Variants in MAP2 observed in about 807,000 individuals in gnomAD.
MAP2 encodes microtubule-associated protein 2.
A neutral mutation model predicts 137.6 loss-of-function variants in MAP2; 14 were observed. The ratio of observed to expected loss-of-function variants is 0.10; its 90% CI spans 0.07 to 0.16. MAP2 has a LOEUF of 0.16. MAP2 is among the 10% of genes least tolerant of loss of function. The pLI is 1.00. For missense variants in MAP2, 2,088 were observed against 2,191.5 expected, an observed-to-expected ratio of 0.95 and a Z score of 0.94; for synonymous variants, 786 against 782.3, an observed-to-expected ratio of 1.00 and a Z score of -0.08.
chr2:209,702,109 G>A (rs1028735499), intron 11 of MAP2, among the ~76,000 whole-genome samples: 6 of 151,992 alleles, frequency 3.9e-5, no homozygotes, highest in African/African-American at 1.4e-4. Context: ...AAGTTTTCAG[G>A]AGCAGATATA....
chr2:209,723,781 A>G (rs1231510247), intron 13 of MAP2: 5 of 802,982 alleles, frequency 6.2e-6, no homozygotes, highest in Non-Finnish European at 1.1e-5. Context: ...TTTCCAACAC[A>G]CTGCTCCTTT....
At chr2:209,472,060 A>G (rs1705876521) in intron 1 of MAP2, among the ~76,000 whole-genome samples, 1 of 152,234 alleles carries the variant, frequency 6.6e-6, no homozygotes, top group Non-Finnish European at 1.5e-5. Context: ...TGACAATTAC[A>G]TATCATGTAA....
chr2:209,515,051 TAACA>T (rs1487605229), intron 2 of MAP2, among the ~76,000 whole-genome samples: 4 of 152,262 alleles, frequency 2.6e-5, no homozygotes, highest in African/African-American at 9.6e-5. Flanking sequence ...TCATTTGCCA[TAACA>T]AACCGACATG....
intron 1 of MAP2, among the ~76,000 whole-genome samples, chr2:209,471,620 T>TAAA (rs1196645772): frequency 6.6e-6 from 1 of 152,028 alleles, no homozygotes; most frequent in Non-Finnish European, 1.5e-5. Context: ...ACTTAAATGA[T>TAAA]TTTTCTCATG....
At chr2:209,504,396 A>C (rs1182709853) in intron 1 of MAP2, among the ~76,000 whole-genome samples, 1 of 152,248 alleles carries the variant, frequency 6.6e-6, no homozygotes, top group African/African-American at 2.4e-5. Context: ...ATTTGTGTTA[A>C]AGAGCAATTA....
intron 1 of MAP2, among the ~76,000 whole-genome samples, chr2:209,459,353 T>C (rs1197689085): frequency 6.6e-6 from 1 of 152,216 alleles, no homozygotes; most frequent in Non-Finnish European, 1.5e-5. Context: ...TAAGTGCTTG[T>C]CCAATGCTAG....
intron 3 of MAP2, among the ~76,000 whole-genome samples, chr2:209,610,648 A>G (rs1451938894): frequency 6.6e-6 from 1 of 152,136 alleles, no homozygotes; most frequent in Non-Finnish European, 1.5e-5. Context: ...GAATTCTCCA[A>G]TTCAATTTTG....
intron 3 of MAP2, among the ~76,000 whole-genome samples, chr2:209,599,831 T>C (rs2082451182): frequency 6.6e-6 from 1 of 152,098 alleles, no homozygotes; most frequent in African/African-American, 2.4e-5. Context: ...CTGTGAAATA[T>C]TGGAAATTTA....
At chr2:209,593,840 TA>T (rs1215222425) in intron 3 of MAP2, among the ~76,000 whole-genome samples, 28 of 91,576 alleles carry the variant, frequency 3.1e-4, no homozygotes, top group African/African-American at 1.1e-3. Context: ...TATATTATAT[TA>T]TAATATATAT....
intron 5 of MAP2, among the ~76,000 whole-genome samples, chr2:209,656,805 A>G (rs1007773121): frequency 6.6e-6 from 1 of 152,168 alleles, no homozygotes; most frequent in Non-Finnish European, 1.5e-5. Context: ...TTCAGGGGAT[A>G]CAAGTGCAGT....
intron 3 of MAP2, among the ~76,000 whole-genome samples, chr2:209,617,106 A>G (rs890656081): frequency 6.6e-6 from 1 of 152,024 alleles, no homozygotes; most frequent in Admixed American, 6.6e-5. Flanking sequence ...TTTAGGTTTT[A>G]TGGCTGACTT....
chr2:209,550,353 G>C (rs1287789964), intron 2 of MAP2, among the ~76,000 whole-genome samples: 2 of 152,046 alleles, frequency 1.3e-5, no homozygotes, highest in Admixed American at 6.5e-5. Flanking sequence ...GCTTTATAAA[G>C]TAGTATAATG....
chr2:209,501,267 T>C (rs960540668), intron 1 of MAP2, among the ~76,000 whole-genome samples: 1 of 152,158 alleles, frequency 6.6e-6, no homozygotes, highest in African/African-American at 2.4e-5. Context: ...ATATAAAAAT[T>C]GTGAATTTTC....
chr2:209,440,629 G>C (rs1697528440), intron 1 of MAP2, among the ~76,000 whole-genome samples: 2 of 151,500 alleles, frequency 1.3e-5, no homozygotes, highest in East Asian at 3.9e-4. Context: ...AAAAAAGACT[G>C]CAATAGTTGG....
intron 1 of MAP2, among the ~76,000 whole-genome samples, chr2:209,441,755 C>G (rs1697835778): frequency 6.6e-6 from 1 of 151,546 alleles, no homozygotes; most frequent in Non-Finnish European, 1.5e-5. Flanking sequence ...GTCTAGGACA[C>G]TTAGAAGTTG....
chr2:209,536,330 T>A (rs2065938889), intron 2 of MAP2, among the ~76,000 whole-genome samples: 1 of 152,330 alleles, frequency 6.6e-6, no homozygotes, highest in Admixed American at 6.5e-5. Flanking sequence ...ACTGTACAGA[T>A]TTATCTCTAT....
chr2:209,694,155 T>C lies in MAP2; in HGVS notation c.1985T>C (p.Ile662Thr). The stretch of plus-strand genomic sequence containing the variant: ...TCTCCTCAAGAAAGAATGTTCACTA[T>C]TGATCCAAAAGTGTATGGAGAGAAA... The part of the protein sequence containing the change: ...PSSPQERMFT[I>T]DPKVYGEKRD... The change falls in exon 8 of 16, where the codon ATT becomes ACT. Residue 662 changes from isoleucine to threonine, a missense_variant. Coordinates refer to ENST00000682079, the MANE Select transcript of MAP2 (RefSeq NM_001375505.1). 6.2e-7 allele frequency: 1 copy of C among 1,614,082 alleles called. No individual in the cohort carries two copies.
At chr2:209,626,793 G>A (rs1279181266) in intron 4 of MAP2, among the ~76,000 whole-genome samples, 2 of 152,090 alleles carry the variant, frequency 1.3e-5, no homozygotes, top group Non-Finnish European at 2.9e-5. Flanking sequence ...CTGTTATAAA[G>A]TTGACTCATC....
At chr2:209,508,408 T>G (rs573914599) in intron 2 of MAP2, among the ~76,000 whole-genome samples, 1 of 152,070 alleles carries the variant, frequency 6.6e-6, no homozygotes. Flanking sequence ...AAACATTGGC[T>G]TTTCATTTGC....
Sources: gnomAD v4.1 joint callset for allele counts (sites outside exome capture counted in the v4.1 genomes callset) on GRCh38, gnomAD v4.1.1 for gene constraint, MANE v1.5 for transcripts, NCBI Gene and HGNC (gene_info 2026-07-23, HGNC 2026-07-21) for gene names.